The following PRDM10 variants were observed in gnomAD, a reference collection of about 807,000 sequenced individuals.
PRDM10 encodes the protein PR domain zinc finger protein 10.
PRDM10 carries 65 observed loss-of-function variants against 133.1 expected under a neutral mutation model. That is an observed-to-expected ratio of 0.49 (90% confidence interval 0.40 to 0.60). PRDM10 has a LOEUF of 0.60. Ranked by LOEUF, PRDM10 falls within the 20% of genes least tolerant of loss-of-function variation. PRDM10 has a pLI of 0.00. For missense variants in PRDM10, 1,137 were observed against 1,507.1 expected (o/e 0.75, Z 4.07); for synonymous variants, 582 against 580.4 (o/e 1.00, Z -0.04).
At chr11:129,906,793 C>T (rs992763553) in intron 19 of PRDM10, among the ~76,000 whole-genome samples, 7 of 152,082 alleles carry the variant, frequency 4.6e-5, no homozygotes, top group African/African-American at 1.7e-4. Context: ...GCCTGGCCAA[C>T]ATGGTGAAAC....
chr11:129,913,568 CA>C (rs1219191109), intron 17 of PRDM10, among the ~76,000 whole-genome samples: 4 of 152,322 alleles, frequency 2.6e-5, no homozygotes, highest in Admixed American at 2.0e-4. Flanking sequence ...CCCACTATGA[CA>C]GTGGTTCTTA....
chr11:129,902,880 A>G (rs984279283), intron 20 of PRDM10, among the ~76,000 whole-genome samples: 3 of 151,522 alleles, frequency 2.0e-5, no homozygotes, highest in Non-Finnish European at 4.4e-5. Flanking sequence ...ATTAATACAG[A>G]ATGGATCCAA....
Position 129,965,738 on chromosome 11 carries a change from CAA to C in PRDM10, c.-118-4658_-118-4657del, listed in dbSNP as rs1323717183. Among the ~76,000 whole-genome samples, 12 of 136,602 alleles carry C rather than the reference CAA, an allele frequency of 8.8e-5. No homozygotes were observed. The East Asian group carries it at 2.5e-3, about 28-fold the overall frequency. The allele number at this position is 136,602 out of a possible 152,430, so 89.6% of individuals were successfully genotyped here. ...CTAGGTCCTTAAGAAACATGTTTAT[CAA>C]AAAAAAAAATATATATATACAAAAA... On this transcript the variant is annotated intron_variant, in intron 1 of 20. Coordinates refer to ENST00000360871, the MANE Select transcript of PRDM10 (RefSeq NM_199437.2).
chr11:129,923,673 A>G lies in PRDM10; in HGVS notation c.1879-270T>C, dbSNP rs1950585852. ...GAGAGAGAGAGAGAGAGAGAGAGAG[A>G]GAGAGAGAGAGAGAGAGAGAGTGCT... On this transcript the variant is annotated intron_variant, in intron 12 of 20. Transcript: ENST00000360871. The surrounding 1 kb of genome is among the most constrained non-coding windows in gnomAD (Gnocchi z 4.4). Among the ~76,000 whole-genome samples, 2 of 151,282 alleles carry G rather than the reference A, an allele frequency of 1.3e-5. No individual in the cohort carries two copies. Among genetic ancestry groups the G allele is most frequent in the South Asian group, 4.2e-4 (2 of 4,776 alleles).
At chr11:129,984,477 A>T (rs1055451246) in intron 1 of PRDM10, among the ~76,000 whole-genome samples, 4 of 152,176 alleles carry the variant, frequency 2.6e-5, no homozygotes, top group African/African-American at 9.6e-5. Context: ...CGCGGCCTGC[A>T]GTCCAGCCCC....
chr11:129,967,916 A>G (rs1951940419), intron 1 of PRDM10, among the ~76,000 whole-genome samples: 1 of 151,944 alleles, frequency 6.6e-6, no homozygotes, highest in Non-Finnish European at 1.5e-5. Context: ...CCACAGCCCT[A>G]CCCACTCACC....
chr11:129,944,264 C>G lies in PRDM10; in HGVS notation c.762+507G>C, dbSNP rs578228229. On this transcript the variant is annotated intron_variant, in intron 6 of 20. Coordinates refer to ENST00000360871, the MANE Select transcript of PRDM10 (RefSeq NM_199437.2). The stretch of plus-strand genomic sequence containing the variant: ...GGCAACCCTAGAAAACTACCGTAGC[C>G]CCCCAGAATAATTCATATAACGCCT... Among the ~76,000 whole-genome samples, 5 of 152,214 alleles carry G rather than the reference C, an allele frequency of 3.3e-5. No individual in the cohort carries two copies. The South Asian group carries it at 1.0e-3, about 32-fold the overall frequency.
At chr11:129,917,266 A>G (rs1413414484) in intron 14 of PRDM10, 29 bp from the exon 15 acceptor site, 3 of 1,526,532 alleles carry the variant, frequency 2.0e-6, no homozygotes, top group Admixed American at 1.7e-5. Context: ...ACCAATGAGA[A>G]AAAGAGACCC....
At chr11:129,946,211 C>T (rs1386472411) in intron 5 of PRDM10, among the ~76,000 whole-genome samples, 3 of 151,924 alleles carry the variant, frequency 2.0e-5, no homozygotes, top group African/African-American at 7.3e-5. Context: ...GCTTGAACCA[C>T]TGCACTCCAG....
At chr11:129,992,550 T>C (rs941085661) in intron 1 of PRDM10, among the ~76,000 whole-genome samples, 1 of 152,206 alleles carries the variant, frequency 6.6e-6, no homozygotes, top group African/African-American at 2.4e-5. Flanking sequence ...CCTGCTGTTG[T>C]AGCCGTGCTC....
At chr11:129,931,571 A>ATTTTTTTTTT (rs200453898) in intron 10 of PRDM10, among the ~76,000 whole-genome samples, 1 of 135,478 alleles carries the variant, frequency 7.4e-6, no homozygotes, top group African/African-American at 2.7e-5. Context: ...ATTTTATTTT[A>ATTTTTTTTTT]TTTTATTTTT....
chr11:129,920,557 C>T (rs1200894589), intron 13 of PRDM10, among the ~76,000 whole-genome samples: 2 of 152,006 alleles, frequency 1.3e-5, no homozygotes, highest in Non-Finnish European at 2.9e-5. Flanking sequence ...CTTAGCACAG[C>T]GCGCTAGCTT....
At chr11:129,934,613 A>G (rs1238168296) in intron 9 of PRDM10, among the ~76,000 whole-genome samples, 4 of 152,252 alleles carry the variant, frequency 2.6e-5, no homozygotes, top group African/African-American at 4.8e-5. Context: ...AAGACTTCTC[A>G]TCACACTTGG....
intron 18 of PRDM10, 28 bp downstream of exon 18, chr11:129,912,057 C>A: frequency 6.4e-7 from 1 of 1,565,488 alleles, no homozygotes; most frequent in South Asian, 1.2e-5. Flanking sequence ...CATGATAACA[C>A]CTCCAAATAG....
intron 4 of PRDM10, among the ~76,000 whole-genome samples, chr11:129,949,116 C>T (rs1357306609): frequency 1.3e-5 from 2 of 152,218 alleles, no homozygotes; most frequent in Non-Finnish European, 2.9e-5. Context: ...CATCCATTGC[C>T]AAACACCATC....
At chr11:129,944,509 C>T (rs1439906419) in intron 6 of PRDM10, among the ~76,000 whole-genome samples, 2 of 151,220 alleles carry the variant, frequency 1.3e-5, no homozygotes, top group East Asian at 2.0e-4. Flanking sequence ...GGCGTGAACC[C>T]GGAAGGCGGA....
intron 15 of PRDM10, among the ~76,000 whole-genome samples, chr11:129,916,318 T>C (rs535001057): frequency 6.6e-6 from 1 of 152,184 alleles, no homozygotes. Flanking sequence ...TGTTAAAAAA[T>C]GTTTCTCACT....
Position 129,912,069 on chromosome 11 carries a change from C to G in PRDM10, c.2982+16G>C, listed in dbSNP as rs1310031900. 2 of 1,586,120 alleles carry G rather than the reference C, an allele frequency of 1.3e-6. No homozygotes were observed. Among genetic ancestry groups the G allele is most frequent in the African/African-American group, 2.7e-5 (2 of 73,874 alleles). On this transcript the variant is annotated intron_variant, in intron 18 of 20. Transcript: ENST00000360871. ...AGCCATGATAACACCTCCAAATAGT[C>G]TGTGGAGCAGGGTACCTGGGCGGAG...
intron 17 of PRDM10, among the ~76,000 whole-genome samples, chr11:129,913,902 C>T (rs1429330874): frequency 6.6e-6 from 1 of 152,216 alleles, no homozygotes; most frequent in Non-Finnish European, 1.5e-5. Flanking sequence ...GGGAGAATCA[C>T]TTTCATTTAG....
Sources: allele counts gnomAD v4.1 joint callset (sites outside exome capture counted in the v4.1 genomes callset), GRCh38; gene constraint gnomAD v4.1.1; non-coding constraint Gnocchi (gnomAD v3.1); transcripts MANE v1.5; gene names NCBI Gene and HGNC (gene_info 2026-07-23, HGNC 2026-07-21).